The following RMDN3 variants were observed in gnomAD, a reference collection of about 807,000 sequenced individuals.
The protein encoded by RMDN3 is regulator of microtubule dynamics protein 3.
A neutral mutation model predicts 61.8 loss-of-function variants in RMDN3; 41 were observed. The observed-to-expected ratio is 0.66, with a 90% CI of 0.52 to 0.86. The LOEUF is 0.86. Among genes scored for constraint, RMDN3 ranks in the 40% least tolerant of loss-of-function variants. RMDN3 has a pLI of 0.00. For synonymous variants in RMDN3, 247 were observed against 232.0 expected, an observed-to-expected ratio of 1.06 and a Z score of -0.59; for missense variants, 557 against 585.3, an observed-to-expected ratio of 0.95 and a Z score of 0.50.
chr15:40,745,105 G>C lies in RMDN3; in HGVS notation c.679C>G (p.Leu227Val). 1 of 1,614,144 alleles carries C rather than the reference G, an allele frequency of 6.2e-7. No homozygotes were observed. Among genetic ancestry groups the C allele is most frequent in the Non-Finnish European group, 8.5e-7 (1 of 1,180,016 alleles). ...AAGCCTGAGGAACCTCCAGCCTCCA[G>C]GGCACTGGAGGCACCTGAAGCTGCC... ...EEAASGASSA[L>V]EAGGSSGLED... is the part of the protein sequence containing the mutation. Residue 227 changes from leucine (L) to valine (V), a missense_variant, in exon 5 of 13, where the codon CTG (leucine) becomes GTG (valine). By Grantham distance (32) the Leu-to-Val change is conservative. Coordinates refer to ENST00000338376, the MANE Select transcript of RMDN3 (RefSeq NM_018145.3).
chr15:40,744,596 A>G (rs1281759612), intron 5 of RMDN3, among the ~76,000 whole-genome samples: 1 of 152,026 alleles, frequency 6.6e-6, no homozygotes, highest in African/African-American at 2.4e-5. Flanking sequence ...GTCGCTTGTA[A>G]TGGGGCTGGC....
rs745319833 is a variant in RMDN3 at position 40,740,245 on chromosome 15, A to AT, written c.911-53dup. On this transcript the variant is annotated intron_variant, in intron 6 of 12. Coordinates refer to ENST00000338376, the MANE Select transcript of RMDN3 (RefSeq NM_018145.3). ...TGACATAGCTCTTATGCACACTTTC[A>AT]TAGGAAGGCTTGTGGGAAGAATGAC... is the stretch of plus-strand genomic sequence containing the variant. 2.5e-6 allele frequency: 3 copies of AT among 1,218,056 alleles called. No individual in the cohort carries two copies. In the Admixed American group the frequency reaches 5.4e-5, roughly 22 times the overall value. The allele number at this position is 1,218,056 out of a possible 1,614,324, so 75.5% of individuals were successfully genotyped here. A position where few individuals can be genotyped will look rare whatever the true frequency, so the allele number is the denominator to read the frequency against.
chr15:40,738,245 G>A (rs759347071), intron 8 of RMDN3, among the ~76,000 whole-genome samples: 8 of 152,102 alleles, frequency 5.3e-5, no homozygotes, highest in African/African-American at 1.4e-4. Flanking sequence ...AAAATTAGCC[G>A]GGCATGGTGG....
Position 40,738,018 on chromosome 15 carries a change from G to A in RMDN3, c.1072C>T (p.Leu358Phe). The A allele has an allele frequency of 1.9e-6, 3 of 1,614,180 alleles. No homozygotes were observed. The highest frequency in any genetic ancestry group is 1.7e-5 in the Admixed American group (1 of 60,014). ...FKEHVDKAIA[L>F]QPENPMAHFL... ...TGAGCCATGGGGTTTTCTGGCTGGA[G>A]AGCAATGGCTTTGTCCACATGCTCC... The change falls in exon 9 of 13, where the codon CTC (leucine) becomes TTC (phenylalanine). Residue 358 changes from leucine to phenylalanine, a missense_variant. Leu to Phe is a conservative substitution (Grantham distance 22). Coordinates refer to ENST00000338376, the MANE Select transcript of RMDN3 (RefSeq NM_018145.3).
rs1336708157 is a variant in RMDN3 at position 40,736,519 on chromosome 15, C to T, written c.*22G>A. 1.2e-6 allele frequency: 2 copies of T among 1,611,884 alleles called. No individual in the cohort carries two copies. Among genetic ancestry groups the T allele is most frequent in the Non-Finnish European group, 8.5e-7 (1 of 1,178,202 alleles). On this transcript the variant is annotated 3_prime_UTR_variant, in exon 13 of 13. Coordinates refer to ENST00000338376, the MANE Select transcript of RMDN3 (RefSeq NM_018145.3). ...CCCACCTTAAATAGTGGCATCAAGT[C>T]ATGAAGGCCAGTGAAACGTGGTTAG...
intron 4 of RMDN3, among the ~76,000 whole-genome samples, chr15:40,749,418 G>A (rs1163353393): frequency 1.3e-5 from 2 of 152,246 alleles, no homozygotes; most frequent in Non-Finnish European, 2.9e-5. Flanking sequence ...TCAGAAGGCT[G>A]AGGCAGGAGC....
At chr15:40,751,595 G>T in intron 3 of RMDN3, 26 bp from the exon 4 acceptor site, 1 of 1,613,928 alleles carries the variant, frequency 6.2e-7, no homozygotes, top group Non-Finnish European at 8.5e-7. Context: ...CATCCCGAAG[G>T]GTACCATTAG....
intron 5 of RMDN3, among the ~76,000 whole-genome samples, chr15:40,744,650 A>G (rs921609888): frequency 6.6e-6 from 1 of 151,936 alleles, no homozygotes; most frequent in Non-Finnish European, 1.5e-5. Flanking sequence ...AAAAAAAAAT[A>G]CAGTTCTTTC....
chr15:40,740,416 C>T (rs542064949), intron 6 of RMDN3, among the ~76,000 whole-genome samples: 77 of 152,272 alleles, frequency 5.1e-4, no homozygotes, highest in African/African-American at 1.8e-3. Flanking sequence ...GAGGCTGAGG[C>T]GGGTAGAGCG....
intron 5 of RMDN3, 95 bp downstream of exon 5, chr15:40,744,882 G>C: frequency 1.1e-5 from 14 of 1,305,606 alleles, no homozygotes; most frequent in Non-Finnish European, 1.5e-5. Context: ...CCTTGTAGGG[G>C]CAGTAACCAC....
chr15:40,737,511 G>GCAAA, intron 10 of RMDN3, 117 bp downstream of exon 10: 2 of 1,151,886 alleles, frequency 1.7e-6, no homozygotes, highest in Non-Finnish European at 2.6e-6. Flanking sequence ...CATAGAACAG[G>GCAAA]CAAACACAAA....
At position 40,736,242 on chromosome 15, in the gene RMDN3, G is replaced by T. The variant is rs1188871627; in HGVS notation, c.*299C>A. ...CATCCACCTCACCAGCAATTGGAAG[G>T]TCTCAGGTCTTGCAGGCTCTACCCA... On this transcript the variant is annotated 3_prime_UTR_variant, in exon 13 of 13. Transcript: ENST00000338376. 1.3e-5 allele frequency: 5 copies of T among 397,928 alleles called. No individual in the cohort carries two copies. Among genetic ancestry groups the T allele is most frequent in the Non-Finnish European group, 1.8e-5 (4 of 223,832 alleles). The allele number at this position is 397,928 out of a possible 1,614,324, so 24.6% of individuals were successfully genotyped here.
intron 6 of RMDN3, among the ~76,000 whole-genome samples, chr15:40,742,175 T>C (rs1381133717): frequency 6.7e-6 from 1 of 148,682 alleles, no homozygotes; most frequent in African/African-American, 2.5e-5. Context: ...TTTTAAGTTT[T>C]TTTTTTTTTT....
At chr15:40,739,702 G>A (rs1178445391) in intron 7 of RMDN3, 1 of 168,018 alleles carries the variant, frequency 6.0e-6, no homozygotes, top group Non-Finnish European at 1.3e-5. Flanking sequence ...ACTTCTGGGG[G>A]GTGAGCTCAC....
At position 40,738,042 on chromosome 15, in the gene RMDN3, C is replaced by G. The variant is rs756123686; in HGVS notation, c.1048G>C (p.Glu350Gln). The G allele has an allele frequency of 2.5e-6, 4 of 1,614,004 alleles. No individual in the cohort carries two copies. Among genetic ancestry groups the G allele is most frequent in the Non-Finnish European group, 3.4e-6 (4 of 1,179,956 alleles). The stretch of plus-strand genomic sequence containing the variant: ...AGAGCAATGGCTTTGTCCACATGCT[C>G]CTAAGGGGAAAATGTAAATATAAAC... ...RRIQSGFSFKEHVDKAIALQP... is the reference protein window; with the variant it reads ...RRIQSGFSFKQHVDKAIALQP... The change falls in exon 9 of 13, where the codon GAG (glutamate) becomes CAG (glutamine). Residue 350 changes from glutamate to glutamine, a missense_variant and splice_region_variant. Physicochemically the swap from Glu to Gln is conservative, Grantham distance 29 (BLOSUM62 2). Transcript: ENST00000338376.
At chr15:40,738,411 G>T (rs114812520) in intron 8 of RMDN3, 90 bp downstream of exon 8, 2 of 1,188,738 alleles carry the variant, frequency 1.7e-6, no homozygotes, top group Admixed American at 1.8e-5. Flanking sequence ...AAGTCACTGA[G>T]GCTGTAGAAA....
chr15:40,744,353 AG>A (rs1354575613), intron 5 of RMDN3: 1 of 547,250 alleles, frequency 1.8e-6, no homozygotes, highest in Non-Finnish European at 3.3e-6. Flanking sequence ...CTGTCTAGCC[AG>A]TAGCTTGCAC....
chr15:40,748,302 ACATGGCAATGAC>A (rs1457999878), intron 4 of RMDN3, among the ~76,000 whole-genome samples: 1 of 152,182 alleles, frequency 6.6e-6, no homozygotes, highest in East Asian at 1.9e-4. Flanking sequence ...CCCTTGACCT[ACATGGCAATGAC>A]CATGGCACAA....
chr15:40,754,818 A>G, intron 1 of RMDN3, 28 bp from the exon 2 acceptor site: 1 of 776,628 alleles, frequency 1.3e-6, no homozygotes, highest in Non-Finnish European at 1.9e-6. Flanking sequence ...CACCGGGAGC[A>G]GGCAGGCGGG....
Sources: allele counts gnomAD v4.1 joint callset (sites outside exome capture counted in the v4.1 genomes callset), GRCh38; gene constraint gnomAD v4.1.1; transcripts MANE v1.5; gene names NCBI Gene and HGNC (gene_info 2026-07-23, HGNC 2026-07-21).